The following PRR5L variants were observed in gnomAD, a reference collection of about 807,000 sequenced individuals.
The protein encoded by PRR5L is proline-rich protein 5-like.
A neutral mutation model predicts 36.4 loss-of-function variants in PRR5L; 21 were observed. That is an observed-to-expected ratio of 0.58 (90% CI 0.41 to 0.83). PRR5L has a LOEUF of 0.83. Among genes scored for constraint, PRR5L ranks in the 40% least tolerant of loss-of-function variants. The pLI is 0.00. For missense variants in PRR5L, 381 were observed against 473.3 expected (o/e 0.80, Z 1.81); for synonymous variants, 188 against 197.0 (o/e 0.95, Z 0.38).
chr11:36,344,699 C>CA lies in PRR5L; in HGVS notation c.-126+48267dup, dbSNP rs1856847796. Among the ~76,000 whole-genome samples, 1 of 152,038 alleles carries CA rather than the reference C, an allele frequency of 6.6e-6. No individual in the cohort carries two copies. Among genetic ancestry groups the CA allele is most frequent in the South Asian group, 2.1e-4 (1 of 4,816 alleles). Reference sequence around the variant, plus strand: ...AAGTGCACTCTGTTTTTGTAAATAACAAAAAATGAGCATTACTTTTCAAGA... The same window carrying CA: ...AAGTGCACTCTGTTTTTGTAAATAACAAAAAAATGAGCATTACTTTTCAAGA... On this transcript the variant is annotated intron_variant, in intron 1 of 8. Transcript: ENST00000530639. This position sits in a 1 kb window ranked among gnomAD's most constrained non-coding sequence, Gnocchi z 4.1.
At chr11:36,371,888 G>A (rs150453480) in intron 1 of PRR5L, among the ~76,000 whole-genome samples, 51 of 151,966 alleles carry the variant, frequency 3.4e-4, no homozygotes, top group Non-Finnish European at 6.2e-4. Flanking sequence ...GTGAAATCCC[G>A]TCTCTACTAA....
rs1461633350 is a variant in PRR5L at position 36,351,350 on chromosome 11, AT to A, written c.-125-49646del. Among the ~76,000 whole-genome samples the A allele has an allele frequency of 2.2e-4, 18 of 82,458 alleles. 1 individual carries two copies. The highest frequency in any genetic ancestry group is 9.5e-4 in the Admixed American group (4 of 4,196). The allele number at this position is 82,458 out of a possible 152,430, so 54.1% of individuals were successfully genotyped here. A position where few individuals can be genotyped will look rare whatever the true frequency, so the allele number is the denominator to read the frequency against. ...TATTTATATATATTTATAATATATAATAAATATATATAAATATATATACATA... is the reference window on the plus strand; with the variant it reads ...TATTTATATATATTTATAATATATAAAAATATATATAAATATATATACATA... On this transcript the variant is annotated intron_variant, in intron 1 of 8. Transcript: ENST00000530639.
At chr11:36,388,848 G>A (rs1019086692) in intron 1 of PRR5L, among the ~76,000 whole-genome samples, 10 of 152,056 alleles carry the variant, frequency 6.6e-5, no homozygotes, top group Non-Finnish European at 1.0e-4. Context: ...ACAGGCGCCC[G>A]CCACCAAGCC....
intron 6 of PRR5L, among the ~76,000 whole-genome samples, chr11:36,445,084 G>A (rs1858800153): frequency 6.6e-6 from 1 of 152,186 alleles, no homozygotes; most frequent in South Asian, 2.1e-4. Context: ...GAAATGTATG[G>A]GTGGTGATTG....
intron 6 of PRR5L, among the ~76,000 whole-genome samples, chr11:36,444,800 G>A (rs181831812): frequency 7.9e-5 from 12 of 152,288 alleles, no homozygotes; most frequent in Admixed American, 5.2e-4. Flanking sequence ...TTCCCTGGAA[G>A]GTTGTGAACA....
At chr11:36,360,178 T>G (rs1376161364) in intron 1 of PRR5L, among the ~76,000 whole-genome samples, 3 of 152,106 alleles carry the variant, frequency 2.0e-5, no homozygotes, top group African/African-American at 7.2e-5. Context: ...ATTGCTACCT[T>G]GTGTCTAGTA....
chr11:36,453,109 C>G (rs1213536788), intron 8 of PRR5L, among the ~76,000 whole-genome samples: 1 of 152,212 alleles, frequency 6.6e-6, no homozygotes, highest in Non-Finnish European at 1.5e-5. Flanking sequence ...GTAGGTTTCT[C>G]TGTTGGCATT....
intron 1 of PRR5L, among the ~76,000 whole-genome samples, chr11:36,322,848 A>G (rs1304701471): frequency 6.6e-6 from 1 of 152,164 alleles, no homozygotes; most frequent in African/African-American, 2.4e-5. Flanking sequence ...TCCTTATAAA[A>G]AGAGAAGAGG....
chr11:36,405,966 C>T (rs6484850), intron 3 of PRR5L, among the ~76,000 whole-genome samples: 34,806 of 152,036 alleles, frequency 0.23, 5,657 homozygotes, highest in African/African-American at 0.47. Flanking sequence ...TCTCCAAATC[C>T]CATCAAATTG....
At chr11:36,355,960 A>T (rs1024903799) in intron 1 of PRR5L, among the ~76,000 whole-genome samples, 1 of 151,318 alleles carries the variant, frequency 6.6e-6, no homozygotes, top group Admixed American at 6.6e-5. Flanking sequence ...GTTGCCCAAG[A>T]TGAAGTGCAG....
chr11:36,365,171 T>A (rs1857131617), intron 1 of PRR5L, among the ~76,000 whole-genome samples: 1 of 152,242 alleles, frequency 6.6e-6, no homozygotes. Flanking sequence ...AGGAGGTAGC[T>A]GGTTCTTATG....
rs1485779306 is a variant in PRR5L at position 36,377,758 on chromosome 11, G to A, written c.-125-23239G>A. ...TTATAGACGCCACGGCAGTCCTGCG[G>A]TGCGCAAGGTTTCAATTACTGCGAT... is the stretch of plus-strand genomic sequence containing the variant. On this transcript the variant is annotated intron_variant, in intron 1 of 8. Coordinates refer to ENST00000530639, the MANE Select transcript of PRR5L (RefSeq NM_001160167.2). This position sits in a 1 kb window ranked among gnomAD's most constrained non-coding sequence, Gnocchi z 5.1. The A allele has an allele frequency of 2.6e-5, 4 of 152,246 alleles. No individual in the cohort carries two copies. The East Asian group carries it at 5.8e-4, about 22-fold the overall frequency. The allele number at this position is 152,246 out of a possible 1,614,324, so 9.4% of individuals were successfully genotyped here.
intron 1 of PRR5L, among the ~76,000 whole-genome samples, chr11:36,332,652 G>A (rs1442117070): frequency 1.3e-5 from 2 of 152,148 alleles, no homozygotes; most frequent in South Asian, 2.1e-4. Context: ...TCATGGGAGT[G>A]GACCCCTCAT....
At chr11:36,308,029 T>C (rs936483637) in intron 1 of PRR5L, among the ~76,000 whole-genome samples, 2 of 152,314 alleles carry the variant, frequency 1.3e-5, no homozygotes, top group African/African-American at 4.8e-5. Flanking sequence ...GCAAGGTGAA[T>C]GGAATTCCCT....
At chr11:36,326,236 T>C (rs1433547006) in intron 1 of PRR5L, among the ~76,000 whole-genome samples, 2 of 152,040 alleles carry the variant, frequency 1.3e-5, no homozygotes, top group Non-Finnish European at 2.9e-5. Context: ...CCCAGGTGTA[T>C]TTAAAGTAAA....
At chr11:36,350,944 A>ATATTTATATCTTTATATATTTATATATT (rs1554986952) in intron 1 of PRR5L, among the ~76,000 whole-genome samples, 1 of 57,140 alleles carries the variant, frequency 1.8e-5, no homozygotes. Flanking sequence ...ATATTTATAT[A>ATATTTATATCTTTATATATTTATATATT]TATATATTTA....
chr11:36,420,834 AACACACACAC>A (rs58639707), intron 4 of PRR5L, among the ~76,000 whole-genome samples: 116 of 139,406 alleles, frequency 8.3e-4, no homozygotes, highest in South Asian at 2.4e-3. Context: ...CAGTTGTTTA[AACACACACAC>A]ACACACACAC....
At chr11:36,445,681 G>T (rs510479) in intron 6 of PRR5L, among the ~76,000 whole-genome samples, 2 of 152,148 alleles carry the variant, frequency 1.3e-5, no homozygotes, top group Admixed American at 1.3e-4. Context: ...TCAAAGGGTG[G>T]TTGTGGGGAT....
chr11:36,420,936 G>A (rs943175651), intron 4 of PRR5L, among the ~76,000 whole-genome samples: 1 of 151,590 alleles, frequency 6.6e-6, no homozygotes, highest in African/African-American at 2.4e-5. Context: ...GAATTCAATC[G>A]GGTCATATGT....
Sources: allele counts gnomAD v4.1 joint callset (sites outside exome capture counted in the v4.1 genomes callset), GRCh38; gene constraint gnomAD v4.1.1; non-coding constraint Gnocchi (gnomAD v3.1); transcripts MANE v1.5; gene names NCBI Gene and HGNC (gene_info 2026-07-23, HGNC 2026-07-21).